The following PITPNC1 variants were observed in gnomAD, a reference collection of about 807,000 sequenced individuals.
PITPNC1 encodes cytoplasmic phosphatidylinositol transfer protein 1.
PITPNC1 carries 18 observed loss-of-function variants against 44.7 expected under a neutral mutation model. The observed-to-expected ratio is 0.40, with a 90% CI of 0.28 to 0.60. The LOEUF (loss-of-function observed/expected upper bound fraction) is 0.60, where lower values mean the gene tolerates loss of function less well. PITPNC1 is among the 20% of genes least tolerant of loss of function. PITPNC1 has a pLI of 0.39. For synonymous variants in PITPNC1, 141 were observed against 149.6 expected, an observed-to-expected ratio of 0.94 and a Z score of 0.42; for missense variants, 290 against 418.4, an observed-to-expected ratio of 0.69 and a Z score of 2.68.
chr17:67,552,479 G>A (rs1002752783), intron 3 of PITPNC1, 134 bp downstream of exon 3: 2 of 605,748 alleles, frequency 3.3e-6, no homozygotes, highest in Non-Finnish European at 5.9e-6. Context: ...TTTTTTTTTT[G>A]GTTTCTTACT....
At chr17:67,631,053 G>GTTGTTA (rs886876286) in intron 5 of PITPNC1, among the ~76,000 whole-genome samples, 525 of 127,748 alleles carry the variant, frequency 4.1e-3, no homozygotes, top group South Asian at 0.013. Flanking sequence ...TGTTGTTGTT[G>GTTGTTA]TTATTATTAT....
intron 5 of PITPNC1, among the ~76,000 whole-genome samples, chr17:67,578,566 T>C (rs2041182605): frequency 6.6e-6 from 1 of 152,234 alleles, no homozygotes; most frequent in Non-Finnish European, 1.5e-5. Flanking sequence ...GATTTGGTTT[T>C]TGATCATTGG....
At chr17:67,464,813 C>G (rs911766361) in intron 1 of PITPNC1, among the ~76,000 whole-genome samples, 1 of 151,676 alleles carries the variant, frequency 6.6e-6, no homozygotes, top group Non-Finnish European at 1.5e-5. Context: ...AATCTCCTCT[C>G]ACCGCAATGT....
At chr17:67,381,054 G>T (rs2037950785) in intron 1 of PITPNC1, among the ~76,000 whole-genome samples, 1 of 152,124 alleles carries the variant, frequency 6.6e-6, no homozygotes, top group Non-Finnish European at 1.5e-5. Flanking sequence ...ATTGCCGGGT[G>T]CGGTGGCTCA....
At chr17:67,412,805 AT>A (rs2038523228) in intron 1 of PITPNC1, among the ~76,000 whole-genome samples, 1 of 152,172 alleles carries the variant, frequency 6.6e-6, no homozygotes, top group South Asian at 2.1e-4. Context: ...AGCTCAGGTG[AT>A]CCTCCCGCTT....
At chr17:67,619,837 G>A (rs1038683619) in intron 5 of PITPNC1, among the ~76,000 whole-genome samples, 7 of 151,780 alleles carry the variant, frequency 4.6e-5, no homozygotes, top group Admixed American at 3.3e-4. Flanking sequence ...TGTCTGCAGC[G>A]GTGTGCCACT....
chr17:67,655,162 G>A (rs1224426936), intron 6 of PITPNC1, among the ~76,000 whole-genome samples: 1 of 152,212 alleles, frequency 6.6e-6, no homozygotes, highest in South Asian at 2.1e-4. Flanking sequence ...GACAGATTCA[G>A]TGCCTGGAGA....
chr17:67,518,361 CAG>C (rs1203337398), intron 1 of PITPNC1, among the ~76,000 whole-genome samples: 2 of 152,126 alleles, frequency 1.3e-5, no homozygotes, highest in African/African-American at 2.4e-5. Context: ...TGTTTGCAAA[CAG>C]AATATTTCCA....
At chr17:67,468,549 C>T (rs914797459) in intron 1 of PITPNC1, among the ~76,000 whole-genome samples, 7 of 149,046 alleles carry the variant, frequency 4.7e-5, no homozygotes, top group African/African-American at 1.5e-4. Flanking sequence ...CTACTGGTGC[C>T]CACCACCACG....
At chr17:67,605,565 T>G (rs561268391) in intron 5 of PITPNC1, among the ~76,000 whole-genome samples, 18 of 152,342 alleles carry the variant, frequency 1.2e-4, no homozygotes, top group African/African-American at 4.1e-4. Flanking sequence ...CATTAGTGGC[T>G]CGTGTTTTTC....
intron 5 of PITPNC1, among the ~76,000 whole-genome samples, chr17:67,601,259 A>G (rs761457740): frequency 2.0e-5 from 3 of 152,216 alleles, no homozygotes; most frequent in Non-Finnish European, 2.9e-5. Flanking sequence ...CAAAGGGACA[A>G]TCCTCATCCT....
chr17:67,601,956 AG>A (rs2041546078), intron 5 of PITPNC1, among the ~76,000 whole-genome samples: 1 of 152,136 alleles, frequency 6.6e-6, no homozygotes, highest in Admixed American at 6.5e-5. Flanking sequence ...CTGTAAAGGA[AG>A]GGGTCAGGAA....
chr17:67,661,996 T>TAA (rs891386128), intron 6 of PITPNC1, among the ~76,000 whole-genome samples: 7 of 151,216 alleles, frequency 4.6e-5, no homozygotes, highest in African/African-American at 1.5e-4. Flanking sequence ...CTCCATCTCA[T>TAA]AATAATAATA....
intron 2 of PITPNC1, among the ~76,000 whole-genome samples, chr17:67,548,569 C>T (rs892728934): frequency 1.3e-5 from 2 of 151,910 alleles, no homozygotes; most frequent in African/African-American, 4.8e-5. Context: ...CCAGCCTGGG[C>T]GACAGAGCAA....
chr17:67,682,707 T>C (rs974666856), intron 8 of PITPNC1, among the ~76,000 whole-genome samples: 3 of 152,180 alleles, frequency 2.0e-5, no homozygotes, highest in Non-Finnish European at 4.4e-5. Context: ...GTTGCAATAT[T>C]CTCTTAAATT....
At chr17:67,513,042 A>T (rs1242914456) in intron 1 of PITPNC1, among the ~76,000 whole-genome samples, 25 of 152,154 alleles carry the variant, frequency 1.6e-4, no homozygotes, top group Non-Finnish European at 2.1e-4. Context: ...GCACACAATC[A>T]TATAGAAATC....
At chr17:67,384,692 T>G (rs1316112029) in intron 1 of PITPNC1, among the ~76,000 whole-genome samples, 2 of 152,248 alleles carry the variant, frequency 1.3e-5, no homozygotes, top group Non-Finnish European at 2.9e-5. Context: ...CCCAAAGTGC[T>G]GGGATTACAG....
intron 8 of PITPNC1, among the ~76,000 whole-genome samples, chr17:67,680,460 C>T (rs1227292564): frequency 2.6e-5 from 4 of 152,032 alleles, no homozygotes; most frequent in South Asian, 4.1e-4. Flanking sequence ...GTTAGCTAGG[C>T]GTGGTTGCGG....
chr17:67,572,589 G>A (rs896132672), intron 4 of PITPNC1, among the ~76,000 whole-genome samples: 1 of 151,874 alleles, frequency 6.6e-6, no homozygotes, highest in Admixed American at 6.6e-5. Flanking sequence ...GTGAGCCTGG[G>A]ACACAGATAG....
Sources: allele counts gnomAD v4.1 joint callset (sites outside exome capture counted in the v4.1 genomes callset), GRCh38; gene constraint gnomAD v4.1.1; transcripts MANE v1.5; gene names NCBI Gene and HGNC (gene_info 2026-07-23, HGNC 2026-07-21).